Variants in UBE3D observed in about 807,000 individuals in gnomAD.
UBE3D encodes E3 ubiquitin-protein ligase E3D.
Under a neutral mutation model 49.6 loss-of-function variants are expected in UBE3D, and 48 were observed. The observed-to-expected ratio is 0.97, with a 90% CI of 0.77 to 1.23. The LOEUF is 1.23. Ranked by LOEUF, UBE3D falls within the 50% of genes most tolerant of loss-of-function variation. The probability of loss-of-function intolerance (pLI) is 0.00; values close to 1 mark genes in which losing one functional copy is unlikely to be tolerated. For missense variants in UBE3D, 452 were observed against 468.4 expected, an observed-to-expected ratio of 0.96 and a Z score of 0.32; for synonymous variants, 189 against 174.2, an observed-to-expected ratio of 1.08 and a Z score of -0.67.
intron 8 of UBE3D, among the ~76,000 whole-genome samples, chr6:82,987,723 T>A (rs1200523974): frequency 6.6e-6 from 1 of 152,178 alleles, no homozygotes; most frequent in African/African-American, 2.4e-5. Flanking sequence ...CCATCTCTTA[T>A]GTAAAGAACA....
chr6:82,930,093 T>C lies in UBE3D; in HGVS notation c.1149+27219A>G, dbSNP rs114533214. On this transcript the variant is annotated intron_variant, in intron 9 of 9. Coordinates refer to ENST00000369747, the MANE Select transcript of UBE3D (RefSeq NM_198920.3). ...AATGGGGGTGGTGACCCTCATGCTG[T>C]TCTTGTGATAGTGAGTTTTCATGAA... 7.0e-3 allele frequency among the ~76,000 whole-genome samples: 1,071 copies of C among 152,244 alleles called. 15 individuals carry two copies. The highest frequency in any genetic ancestry group is 0.024 in the African/African-American group (1,015 of 41,546).
chr6:82,947,512 T>C (rs923181589), intron 9 of UBE3D, among the ~76,000 whole-genome samples: 8 of 106,522 alleles, frequency 7.5e-5, no homozygotes, highest in Non-Finnish European at 1.7e-4. Context: ...AATTTTTAAT[T>C]TCTTTTCTTT....
chr6:82,898,463 T>C (rs1379858167), intron 9 of UBE3D, among the ~76,000 whole-genome samples: 2 of 152,028 alleles, frequency 1.3e-5, no homozygotes, highest in Non-Finnish European at 2.9e-5. Context: ...ATAAAGAAAA[T>C]GTGGCACATA....
chr6:82,991,137 G>A (rs1205866259), intron 8 of UBE3D, among the ~76,000 whole-genome samples: 1 of 152,126 alleles, frequency 6.6e-6, no homozygotes, highest in Non-Finnish European at 1.5e-5. Context: ...CACAGAAGGA[G>A]TGCTCAAGAC....
At chr6:82,929,384 G>A (rs293515) in intron 9 of UBE3D, among the ~76,000 whole-genome samples, 102,339 of 152,082 alleles carry the variant, frequency 0.67, 34,933 homozygotes, top group East Asian at 0.79. Context: ...ACAATTAAGG[G>A]ACAAATTAAG....
chr6:83,055,060 A>C (rs1457885638), intron 2 of UBE3D, among the ~76,000 whole-genome samples: 1 of 152,242 alleles, frequency 6.6e-6, no homozygotes, highest in Non-Finnish European at 1.5e-5. Flanking sequence ...CTGGGAATGA[A>C]ATGGCTCCAA....
intron 9 of UBE3D, among the ~76,000 whole-genome samples, chr6:82,896,664 T>G (rs1013034777): frequency 1.3e-5 from 2 of 152,230 alleles, no homozygotes; most frequent in Non-Finnish European, 2.9e-5. Context: ...CATTTTTTAA[T>G]GTTATTTTAC....
chr6:82,940,004 AC>A (rs1380227759), intron 9 of UBE3D, among the ~76,000 whole-genome samples: 4 of 151,972 alleles, frequency 2.6e-5, no homozygotes, highest in Admixed American at 1.3e-4. Context: ...CACAACCTCA[AC>A]TCCTTGGTAG....
At chr6:83,031,787 A>G (rs1488505736) in intron 5 of UBE3D, among the ~76,000 whole-genome samples, 3 of 152,200 alleles carry the variant, frequency 2.0e-5, no homozygotes, top group Admixed American at 6.5e-5. Context: ...TGTGCAGCCT[A>G]GGGACTTGGT....
At chr6:83,017,107 C>A (rs1476185461) in intron 8 of UBE3D, 1 of 152,096 alleles carries the variant, frequency 6.6e-6, no homozygotes, top group Non-Finnish European at 1.5e-5. Flanking sequence ...ACCATCACAG[C>A]AAATTAGAAT....
intron 9 of UBE3D, among the ~76,000 whole-genome samples, chr6:82,941,608 T>C (rs1355565157): frequency 6.6e-6 from 1 of 152,136 alleles, no homozygotes; most frequent in East Asian, 1.9e-4. Context: ...TGGCTCTGTG[T>C]CCCCACCCAA....
chr6:82,925,917 C>G (rs1031928155), intron 9 of UBE3D, among the ~76,000 whole-genome samples: 2 of 152,096 alleles, frequency 1.3e-5, no homozygotes, highest in African/African-American at 4.8e-5. Flanking sequence ...TAGAAAAAAA[C>G]CTTCCCAAGG....
chr6:82,961,951 C>CA (rs151060917), intron 8 of UBE3D, among the ~76,000 whole-genome samples: 1,686 of 134,480 alleles, frequency 0.013, 19 homozygotes, highest in African/African-American at 0.033. Flanking sequence ...AACAATAAAA[C>CA]AAAAAAAAAA....
chr6:83,053,430 CTG>C (rs1783600691), intron 3 of UBE3D, among the ~76,000 whole-genome samples: 1 of 152,170 alleles, frequency 6.6e-6, no homozygotes, highest in Non-Finnish European at 1.5e-5. Context: ...AGGATTTAAT[CTG>C]TCTCTCCAGC....
intron 8 of UBE3D, among the ~76,000 whole-genome samples, chr6:83,007,852 G>T (rs1363399850): frequency 1.3e-5 from 2 of 152,136 alleles, no homozygotes; most frequent in African/African-American, 4.8e-5. Flanking sequence ...GGCTGAGGTG[G>T]GAGGATCACT....
At chr6:82,915,844 A>G (rs180825337) in intron 9 of UBE3D, among the ~76,000 whole-genome samples, 2 of 152,304 alleles carry the variant, frequency 1.3e-5, no homozygotes, top group African/African-American at 4.8e-5. Context: ...CAACAGGTAG[A>G]GCAGGAAGTG....
At position 82,988,475 on chromosome 6, in the gene UBE3D, T is replaced by A. The variant is rs79844396; in HGVS notation, c.1010+30498A>T. On this transcript the variant is annotated intron_variant, in intron 8 of 9. Coordinates refer to ENST00000369747, the MANE Select transcript of UBE3D (RefSeq NM_198920.3). ...AGTACAAGACATGAGAAAAAAAAAA[T>A]ATTCTTTAACTGACACAATGAGCAA... Among the ~76,000 whole-genome samples the A allele has an allele frequency of 8.1e-3, 1,226 of 151,648 alleles. 14 individuals are homozygous for A. The highest frequency in any genetic ancestry group is 0.028 in the African/African-American group (1,174 of 41,262).
At chr6:83,062,781 GTA>G (rs1453604464) in intron 1 of UBE3D, among the ~76,000 whole-genome samples, 2 of 152,170 alleles carry the variant, frequency 1.3e-5, no homozygotes, top group Non-Finnish European at 2.9e-5. Flanking sequence ...TATGCAAACA[GTA>G]TAGTCAACTG....
rs557876297 is a variant in UBE3D, at chr6:82,978,029, T to C, written c.1011-20579A>G. ...ATGGAGAGATTCTGGCACACTAATC[T>C]CAGAAACAACCTCTCTCTCATGCCC... On this transcript the variant is annotated intron_variant, in intron 8 of 9. Coordinates refer to ENST00000369747, the MANE Select transcript of UBE3D (RefSeq NM_198920.3). Among the ~76,000 whole-genome samples the C allele has an allele frequency of 2.8e-4, 43 of 151,498 alleles. 2 individuals carry two copies. In the Middle Eastern group the frequency reaches 0.014, roughly 49 times the overall value.
Sources: allele counts gnomAD v4.1 joint callset (sites outside exome capture counted in the v4.1 genomes callset), GRCh38; gene constraint gnomAD v4.1.1; transcripts MANE v1.5; gene names NCBI Gene and HGNC (gene_info 2026-07-23, HGNC 2026-07-21).